The following TNFRSF9 variants were observed in gnomAD, a reference collection of about 807,000 sequenced individuals.
TNFRSF9 encodes tumor necrosis factor receptor superfamily member 9.
In TNFRSF9, 16 loss-of-function variants were observed where a neutral mutation model predicts 28.8. That is an observed-to-expected ratio of 0.55 (90% CI 0.38 to 0.84). The LOEUF is 0.84. Among genes scored for constraint, TNFRSF9 ranks in the 40% least tolerant of loss-of-function variants. TNFRSF9 has a pLI of 0.00. For missense variants in TNFRSF9, 303 were observed against 315.0 expected (o/e 0.96, Z 0.29); for synonymous variants, 131 against 117.0 (o/e 1.12, Z -0.77).
In TNFRSF9 at chr1:7,940,050, T is replaced by C. The variant is rs1639879905; in HGVS notation, c.-56A>G. ...AAAGCTGATTCCAAGAGAATTTTAA[T>C]CAAATTAGCTGGTCTCACAAATGTC... On this transcript the variant is annotated 5_prime_UTR_variant, in exon 2 of 8. Transcript: ENST00000377507. 2 of 1,274,198 alleles carry C rather than the reference T, an allele frequency of 1.6e-6. No homozygotes were observed. Among genetic ancestry groups the C allele is most frequent in the African/African-American group, 2.9e-5 (2 of 68,672 alleles). 78.9% of individuals were successfully genotyped at this position (1,274,198 alleles called of 1,614,324 possible). A position where few individuals can be genotyped will look rare whatever the true frequency, so the allele number is the denominator to read the frequency against.
intron 6 of TNFRSF9, 51 bp downstream of exon 6, chr1:7,934,962 C>T (rs1639794868): frequency 1.2e-6 from 2 of 1,601,638 alleles, no homozygotes; most frequent in Non-Finnish European, 1.7e-6. Flanking sequence ...TAGATACAAT[C>T]TGGAATCACC....
intron 7 of TNFRSF9, among the ~76,000 whole-genome samples, chr1:7,930,356 A>C (rs528511792): frequency 6.6e-6 from 1 of 152,286 alleles, no homozygotes; most frequent in East Asian, 1.9e-4. Context: ...GGAGTGTCCT[A>C]AAAACTTTTA....
Position 7,938,347 on chromosome 1 carries a change from G to T in TNFRSF9, c.209-17C>A. On this transcript the variant is annotated splice_polypyrimidine_tract_variant and intron_variant, in intron 3 of 7. Transcript: ENST00000377507. ...TGAAAACACCTACAAAGTCCCCCCAGCCCCCAACATTTTATTACACTTGAC... is the reference window on the plus strand; with the variant it reads ...TGAAAACACCTACAAAGTCCCCCCATCCCCCAACATTTTATTACACTTGAC... The T allele has an allele frequency of 6.3e-7, 1 of 1,577,922 alleles. No homozygotes were observed. The highest frequency in any genetic ancestry group is 1.2e-5 in the South Asian group (1 of 85,986).
intron 5 of TNFRSF9, 143 bp from the exon 6 acceptor site, chr1:7,935,286 T>A: frequency 1.1e-6 from 1 of 901,206 alleles, no homozygotes; most frequent in Non-Finnish European, 1.6e-6. Context: ...GCAAAGATAT[T>A]TTGAAAAACT....
intron 6 of TNFRSF9, 125 bp downstream of exon 6, chr1:7,934,888 C>T: frequency 7.8e-7 from 1 of 1,275,740 alleles, no homozygotes; most frequent in Non-Finnish European, 1.1e-6. Context: ...TCCCTGAGGG[C>T]AGGATTCAGG....
intron 3 of TNFRSF9, 112 bp from the exon 4 acceptor site, chr1:7,938,442 G>T: frequency 8.3e-7 from 1 of 1,209,066 alleles, no homozygotes; most frequent in Non-Finnish European, 1.1e-6. Flanking sequence ...AGTGTTCCCA[G>T]TAATTTTAAA....
intron 7 of TNFRSF9, among the ~76,000 whole-genome samples, chr1:7,927,355 C>T (rs983388034): frequency 4.6e-5 from 7 of 152,214 alleles, no homozygotes; most frequent in African/African-American, 1.2e-4. Context: ...CAATCATCCC[C>T]GCTTTCTCAC....
chr1:7,925,042 G>T (rs762164016), intron 7 of TNFRSF9, among the ~76,000 whole-genome samples: 1 of 151,842 alleles, frequency 6.6e-6, no homozygotes, highest in Non-Finnish European at 1.5e-5. Context: ...GGCTGGGTGC[G>T]GTGGCTCATG....
intron 5 of TNFRSF9, chr1:7,936,447 C>G (rs12753275): frequency 2.7e-5 from 4 of 148,378 alleles, no homozygotes; most frequent in African/African-American, 1.1e-4. Flanking sequence ...ACAAACAAAA[C>G]AAACAAACAG....
chr1:7,938,935 C>A (rs9657962), intron 2 of TNFRSF9, 107 bp from the exon 3 acceptor site: 3 of 706,332 alleles, frequency 4.2e-6, no homozygotes, highest in African/African-American at 3.5e-5. Context: ...GATGAGTTTT[C>A]TAGATGCCAC....
chr1:7,938,200 T>G lies in TNFRSF9; in HGVS notation c.339A>C (p.Thr113=), dbSNP rs746051933. The change falls in exon 4 of 8, where the codon ACA becomes ACC. Residue 113 remains threonine (T), a synonymous_variant. Coordinates refer to ENST00000377507, the MANE Select transcript of TNFRSF9 (RefSeq NM_001561.6). ...AAAGAAACGCAAACGTACCTTTTTT[T>G]GTCAGTTCTTGACCTTGTTTACAAT... ...EQDCKQGQEL[T]KKGCKDCCFG... The G allele has an allele frequency of 3.8e-6, 6 of 1,581,580 alleles. No homozygotes were observed. The highest frequency in any genetic ancestry group is 5.2e-6 in the Non-Finnish European group (6 of 1,164,692).
chr1:7,923,561 G>A (rs1639594263), intron 7 of TNFRSF9, among the ~76,000 whole-genome samples: 1 of 152,204 alleles, frequency 6.6e-6, no homozygotes, highest in African/African-American at 2.4e-5. Context: ...TCCAGAAACT[G>A]GGTGTGGGGG....
intron 1 of TNFRSF9, 33 bp from the exon 2 acceptor site, chr1:7,940,111 G>GT: frequency 2.9e-6 from 2 of 680,642 alleles, no homozygotes; most frequent in Non-Finnish European, 5.0e-6. Flanking sequence ...AGGAAAGGTG[G>GT]TTTCTCCTTT....
chr1:7,927,532 T>C (rs937923432), intron 7 of TNFRSF9, among the ~76,000 whole-genome samples: 2 of 152,140 alleles, frequency 1.3e-5, no homozygotes, highest in African/African-American at 4.8e-5. Flanking sequence ...CAGCAAGTGC[T>C]GGCACACTCC....
At position 7,935,095 on chromosome 1, in the gene TNFRSF9, C is replaced by G; in HGVS notation, c.462G>C (p.Arg154Ser). Residue 154 changes from arginine to serine, a missense_variant, in exon 6 of 8, where the codon AGG becomes AGC. By Grantham distance (110) the Arg-to-Ser change is moderately radical. Transcript: ENST00000377507. ...CTGGAGATGGTCCACAGACCACGTC[C>G]CTCTCCTTCGTCCCATTCACAAGCA... ...KSVLVNGTKE[R>S]DVVCGPSPAD... is the part of the protein sequence containing the mutation. 6.2e-7 allele frequency: 1 copy of G among 1,614,192 alleles called. No homozygotes were observed. Among genetic ancestry groups the G allele is most frequent in the Non-Finnish European group, 8.5e-7 (1 of 1,180,028 alleles).
intron 7 of TNFRSF9, among the ~76,000 whole-genome samples, chr1:7,926,061 C>T (rs1324520686): frequency 2.0e-5 from 3 of 152,050 alleles, no homozygotes; most frequent in South Asian, 4.2e-4. Flanking sequence ...CCACCACACC[C>T]GGCTAATTTT....
chr1:7,927,916 A>G (rs1639678538), intron 7 of TNFRSF9, among the ~76,000 whole-genome samples: 1 of 152,276 alleles, frequency 6.6e-6, no homozygotes, highest in South Asian at 2.1e-4. Context: ...TAAACCATAT[A>G]TATGCCAAAG....
chr1:7,935,252 T>G, intron 5 of TNFRSF9, 109 bp from the exon 6 acceptor site: 10 of 1,280,258 alleles, frequency 7.8e-6, no homozygotes, highest in Non-Finnish European at 1.1e-5. Flanking sequence ...GAAAAAGATA[T>G]ATGGGTCTGG....
At chr1:7,933,334 T>C in intron 6 of TNFRSF9, 38 bp from the exon 7 acceptor site, 1 of 1,600,602 alleles carries the variant, frequency 6.2e-7, no homozygotes, top group Non-Finnish European at 8.5e-7. Context: ...CATGCAGAAA[T>C]GTGTTGACAC....
Sources: allele counts gnomAD v4.1 joint callset (sites outside exome capture counted in the v4.1 genomes callset), GRCh38; gene constraint gnomAD v4.1.1; transcripts MANE v1.5; gene names NCBI Gene and HGNC (gene_info 2026-07-23, HGNC 2026-07-21).